MRC1: variants seen among roughly 807,000 people sequenced by gnomAD.
MRC1 encodes the protein macrophage mannose receptor 1.
MRC1 carries 62 observed loss-of-function variants against 102.9 expected under a neutral mutation model. That is an observed-to-expected ratio of 0.60 (90% confidence interval 0.49 to 0.74). The LOEUF (loss-of-function observed/expected upper bound fraction) is 0.74. MRC1 is among the 30% of genes least tolerant of loss of function. The probability of loss-of-function intolerance (pLI) is 0.00; values close to 1 mark genes in which losing one functional copy is unlikely to be tolerated. For missense variants in MRC1, 1,237 were observed against 862.8 expected (o/e 1.43, Z -5.43); for synonymous variants, 457 against 298.4 (o/e 1.53, Z -5.48).
At chr10:17,873,282 A>T (rs1292081951) in intron 15 of MRC1, among the ~76,000 whole-genome samples, 2 of 152,224 alleles carry the variant, frequency 1.3e-5, no homozygotes. Flanking sequence ...TAAATAGTTC[A>T]CATTTAATCG....
chr10:17,861,357 C>T, intron 9 of MRC1, 30 bp from the exon 10 acceptor site: 2 of 843,624 alleles, frequency 2.4e-6, no homozygotes. Context: ...GAACTCTGCT[C>T]ATTTATTCAC....
Position 17,866,594 on chromosome 10 carries a change from G to A in MRC1, c.1816G>A (p.Gly606Arg), listed in dbSNP as rs200635754. The change falls in exon 12 of 30, where the codon GGG (glycine) becomes AGG (arginine). Residue 606 changes from glycine to arginine, a missense_variant. By Grantham distance (125) the Gly-to-Arg change is moderately radical. Coordinates refer to ENST00000569591, the MANE Select transcript of MRC1 (RefSeq NM_002438.4). Reference protein sequence around the residue: ...RKPGCVAMRTGIAGGLWDVLK... With the variant: ...RKPGCVAMRTRIAGGLWDVLK... Reference sequence around the variant, plus strand: ...GCCAGGGTGTGTTGCCATGAGAACCGGGATTGCAGGGGGCTTATGGGATGT... The same window carrying A: ...GCCAGGGTGTGTTGCCATGAGAACCAGGATTGCAGGGGGCTTATGGGATGT... 4 of 780,700 alleles carry A rather than the reference G, an allele frequency of 5.1e-6. No homozygotes were observed. The highest frequency in any genetic ancestry group is 1.7e-5 in the Admixed American group (1 of 59,004). The allele number at this position is 780,700 out of a possible 1,614,324, so 48.4% of individuals were successfully genotyped here.
At chr10:17,866,916 A>G (rs958125668) in intron 12 of MRC1, among the ~76,000 whole-genome samples, 155 bp downstream of exon 12, 2 of 152,168 alleles carry the variant, frequency 1.3e-5, no homozygotes, top group Non-Finnish European at 2.9e-5. Flanking sequence ...CCGGGGATCA[A>G]TTGTTTAAGA....
chr10:17,847,605 C>T (rs954550049), intron 6 of MRC1, among the ~76,000 whole-genome samples: 3 of 152,188 alleles, frequency 2.0e-5, no homozygotes, highest in Admixed American at 1.3e-4. Context: ...ATTATTGTAA[C>T]ACTAACCCGT....
At chr10:17,902,323 T>C (rs1306379128) in intron 26 of MRC1, among the ~76,000 whole-genome samples, 2 of 152,180 alleles carry the variant, frequency 1.3e-5, no homozygotes, top group Non-Finnish European at 2.9e-5. Context: ...TTTAGAGAAT[T>C]CGGGTAGAAA....
At position 17,877,872 on chromosome 10, in the gene MRC1, A is replaced by G; in HGVS notation, c.2551-28A>G. 3.4e-6 allele frequency: 3 copies of G among 872,016 alleles called. No homozygotes were observed. The South Asian group carries it at 3.9e-5, about 11-fold the overall frequency. The allele number at this position is 872,016 out of a possible 1,614,324, so 54.0% of individuals were successfully genotyped here. ...CTTCCTGATTGTGTGATTCTAAATT[A>G]AACTATACGTAAACTTCCATGTTTC... On this transcript the variant is annotated intron_variant, in intron 17 of 29. Transcript: ENST00000569591.
At chr10:17,855,421 A>G (rs1298337869) in intron 8 of MRC1, among the ~76,000 whole-genome samples, 2 of 151,920 alleles carry the variant, frequency 1.3e-5, no homozygotes, top group African/African-American at 2.4e-5. Flanking sequence ...AATATAAAAA[A>G]TTAGCAGGGC....
Position 17,910,299 on chromosome 10 carries a change from G to T in MRC1, c.4205G>T (p.Gly1402Val). ...ATTGTGATCCTCCTGATTTTAACGG[G>T]TGCTGGCCTTGCCGCCTATTTCTTT... ...VIIVILLILT[G>V]AGLAAYFFYK... The change falls in exon 30 of 30, where the codon GGT becomes GTT. Residue 1402 changes from glycine (G) to valine (V), a missense_variant. Coordinates refer to ENST00000569591, the MANE Select transcript of MRC1 (RefSeq NM_002438.4). 2.6e-6 allele frequency: 2 copies of T among 780,836 alleles called. No homozygotes were observed. Among genetic ancestry groups the T allele is most frequent in the South Asian group, 2.7e-5 (2 of 74,614 alleles). The allele number at this position is 780,836 out of a possible 1,614,324, so 48.4% of individuals were successfully genotyped here.
chr10:17,848,705 A>G (rs920287312), intron 6 of MRC1, among the ~76,000 whole-genome samples: 5 of 152,162 alleles, frequency 3.3e-5, no homozygotes, highest in Non-Finnish European at 5.9e-5. Flanking sequence ...ACTCCTTTTC[A>G]TGTGATGTGA....
At chr10:17,814,619 A>C (rs924259889) in intron 1 of MRC1, among the ~76,000 whole-genome samples, 2 of 143,852 alleles carry the variant, frequency 1.4e-5, no homozygotes, top group East Asian at 4.2e-4. Flanking sequence ...AACCCTCCAC[A>C]CCACATCCCC....
chr10:17,853,603 T>C (rs1365581911), intron 8 of MRC1, among the ~76,000 whole-genome samples: 1 of 80,676 alleles, frequency 1.2e-5, no homozygotes, highest in Non-Finnish European at 2.8e-5. Flanking sequence ...TGTGTGTGTA[T>C]ATATATATAT....
intron 7 of MRC1, among the ~76,000 whole-genome samples, chr10:17,852,321 G>T (rs1025518517): frequency 1.5e-4 from 23 of 152,238 alleles, no homozygotes; most frequent in Admixed American, 7.9e-4. Context: ...TGATGAAAAT[G>T]ATTACAGATT....
chr10:17,840,718 A>G lies in MRC1; in HGVS notation c.828A>G (p.Gly276=). The G allele has an allele frequency of 1.3e-6, 1 of 780,774 alleles. No individual in the cohort carries two copies. The highest frequency in any genetic ancestry group is 2.4e-5 in the East Asian group (1 of 41,240). The allele number at this position is 780,774 out of a possible 1,614,324, so 48.4% of individuals were successfully genotyped here. The change falls in exon 5 of 30, where the codon GGA becomes GGG. Residue 276 remains glycine (G), a synonymous_variant. Transcript: ENST00000569591. Reference sequence around the variant, plus strand: ...GATTAACCAGTTCCTTGACCTCAGGACTCTGGATTGGACTTAACAGTCTGA... The same window carrying G: ...GATTAACCAGTTCCTTGACCTCAGGGCTCTGGATTGGACTTAACAGTCTGA... ...LTGLTSSLTS[G]LWIGLNSLSF...
chr10:17,888,076 T>A (rs1394807241), intron 22 of MRC1, among the ~76,000 whole-genome samples: 1 of 152,196 alleles, frequency 6.6e-6, no homozygotes, highest in Non-Finnish European at 1.5e-5. Flanking sequence ...AGTGCTGGGA[T>A]TACAGGCGTG....
At chr10:17,899,732 GATAA>G (rs1833802734) in intron 24 of MRC1, among the ~76,000 whole-genome samples, 1 of 151,968 alleles carries the variant, frequency 6.6e-6, no homozygotes, top group Non-Finnish European at 1.5e-5. Flanking sequence ...GGATATTATT[GATAA>G]ATAATATTTT....
At chr10:17,869,788 G>A (rs1345654300) in intron 12 of MRC1, among the ~76,000 whole-genome samples, 1 of 152,200 alleles carries the variant, frequency 6.6e-6, no homozygotes, top group African/African-American at 2.4e-5. Flanking sequence ...GTTATTCATT[G>A]TTTAAGCTGA....
chr10:17,887,209 G>GAAACCCCGTCTCTACT (rs1833609773), intron 22 of MRC1, among the ~76,000 whole-genome samples: 1 of 152,078 alleles, frequency 6.6e-6, no homozygotes, highest in Non-Finnish European at 1.5e-5. Context: ...CTAACAGGGA[G>GAAACCCCGTCTCTACT]AAACCCCGTC....
At chr10:17,907,885 C>T (rs1401975118) in intron 28 of MRC1, among the ~76,000 whole-genome samples, 187 bp downstream of exon 28, 2 of 152,226 alleles carry the variant, frequency 1.3e-5, no homozygotes, top group African/African-American at 2.4e-5. Context: ...GAGAGACACT[C>T]TCTGTCTGCT....
intron 4 of MRC1, among the ~76,000 whole-genome samples, chr10:17,834,436 G>A (rs1449386377): frequency 1.3e-5 from 2 of 152,084 alleles, no homozygotes; most frequent in Admixed American, 6.6e-5. Context: ...TTTTGAGACG[G>A]AGTTTCCCTC....
Sources: allele counts gnomAD v4.1 joint callset (sites outside exome capture counted in the v4.1 genomes callset), GRCh38; gene constraint gnomAD v4.1.1; transcripts MANE v1.5; gene names NCBI Gene and HGNC (gene_info 2026-07-23, HGNC 2026-07-21).